CEP83: variants seen among roughly 807,000 people sequenced by gnomAD.
CEP83 encodes the protein centrosomal protein 83.
Under a neutral mutation model 101.9 loss-of-function variants are expected in CEP83, and 70 were observed. That is an observed-to-expected ratio of 0.69 (90% CI 0.57 to 0.84). The LOEUF (loss-of-function observed/expected upper bound fraction) is 0.84, where lower values mean the gene tolerates loss of function less well. Ranked by LOEUF, CEP83 falls within the 40% of genes least tolerant of loss-of-function variation. CEP83 has a pLI of 0.00. For missense variants in CEP83, 715 were observed against 787.2 expected (o/e 0.91, Z 1.10); for synonymous variants, 264 against 267.9 (o/e 0.99, Z 0.14).
At chr12:94,268,612 T>TTA in the CEP83 span, among the ~76,000 whole-genome samples, 117 of 130,742 alleles carry the variant, frequency 8.9e-4, no homozygotes, top group East Asian at 3.4e-3. Flanking sequence ...TTTTTTTTTT[T>TTA]AATTTAAGGA....
At chr12:94,344,910 A>C (rs1297834916) in intron 11 of CEP83, among the ~76,000 whole-genome samples, 1 of 152,194 alleles carries the variant, frequency 6.6e-6, no homozygotes, top group Non-Finnish European at 1.5e-5. Context: ...GCACTACCTG[A>C]ACCAAACTTA....
Position 94,400,879 on chromosome 12 carries a change from C to A in CEP83, c.520G>T (p.Asp174Tyr). Residue 174 changes from aspartate to tyrosine, a missense_variant, in exon 6 of 17, where the codon GAT (aspartate) becomes TAT (tyrosine). Transcript: ENST00000397809. ...HQKEEYARIL[D>Y]EGKIKYESEI... ...GATTCATATTTTATTTTTCCTTCAT[C>A]TAAAATACGTGCATACTCTTCCTTC... is the stretch of plus-strand genomic sequence containing the variant. 2.0e-6 allele frequency: 3 copies of A among 1,481,436 alleles called. No individual in the cohort carries two copies. The highest frequency in any genetic ancestry group is 2.2e-5 in the Admixed American group (1 of 45,660). The allele number at this position is 1,481,436 out of a possible 1,614,324, so 91.8% of individuals were successfully genotyped here.
intron 6 of CEP83, among the ~76,000 whole-genome samples, chr12:94,384,948 C>A (rs2062051466): frequency 6.6e-6 from 1 of 152,146 alleles, no homozygotes; most frequent in Non-Finnish European, 1.5e-5. Flanking sequence ...CGTGGTGTGA[C>A]AAGCAATTTT....
In CEP83 at chr12:94,331,749, T is replaced by C. The variant is rs1445746147; in HGVS notation, c.1658A>G (p.Tyr553Cys). ...HERITDREEK[Y>C]NQAKEKLQRA... The stretch of plus-strand genomic sequence containing the variant: ...CTGCAGTTTCTCCTTAGCTTGATTG[T>C]ACTTTTCTTCTCTGTCTGTGATACG... The change falls in exon 14 of 17, where the codon TAC (tyrosine) becomes TGC (cysteine). Residue 553 changes from tyrosine (Y) to cysteine (C), a missense_variant. Coordinates refer to ENST00000397809, the MANE Select transcript of CEP83 (RefSeq NM_016122.3). 1.9e-6 allele frequency: 3 copies of C among 1,614,094 alleles called. No homozygotes were observed. The highest frequency in any genetic ancestry group is 2.5e-6 in the Non-Finnish European group (3 of 1,179,948).
At chr12:94,404,494 C>A (rs1284874583) in intron 4 of CEP83, among the ~76,000 whole-genome samples, 3 of 152,070 alleles carry the variant, frequency 2.0e-5, no homozygotes, top group Admixed American at 6.6e-5. Flanking sequence ...TTAAGTACTA[C>A]AGAAAATTTA....
At chr12:94,414,413 T>C (rs1203014755) in intron 2 of CEP83, among the ~76,000 whole-genome samples, 1 of 152,144 alleles carries the variant, frequency 6.6e-6, no homozygotes, top group Non-Finnish European at 1.5e-5. Context: ...ATCCCAACCT[T>C]CAGCAACCAT....
chr12:94,356,116 C>T (rs1313363789), intron 11 of CEP83, among the ~76,000 whole-genome samples: 1 of 152,152 alleles, frequency 6.6e-6, no homozygotes, highest in Admixed American at 6.5e-5. Flanking sequence ...GTCGAAGGGT[C>T]GCCAGAGCGA....
At chr12:94,294,343 T>A in the CEP83 span, 1 of 536,956 alleles carries the variant, frequency 1.9e-6, no homozygotes, top group Admixed American at 3.1e-5. Flanking sequence ...TCCAGCACAG[T>A]GCCCAGAACA....
the CEP83 span, among the ~76,000 whole-genome samples, chr12:94,272,705 G>A: frequency 6.6e-6 from 1 of 152,212 alleles, no homozygotes; most frequent in Non-Finnish European, 1.5e-5. Flanking sequence ...ACTGAATCTG[G>A]AGCATACTGG....
At chr12:94,311,000 G>A (rs1324445290) in intron 15 of CEP83, among the ~76,000 whole-genome samples, 1 of 152,128 alleles carries the variant, frequency 6.6e-6, no homozygotes, top group African/African-American at 2.4e-5. Flanking sequence ...GAAAGACTGA[G>A]GCATGATTAG....
At chr12:94,274,155 T>TAAAAA in the CEP83 span, among the ~76,000 whole-genome samples, 108 of 45,366 alleles carry the variant, frequency 2.4e-3, 8 homozygotes, top group African/African-American at 7.4e-3. Context: ...ACCCTGTCTC[T>TAAAAA]AAAAAAAAAA....
intron 14 of CEP83, among the ~76,000 whole-genome samples, chr12:94,323,381 C>T (rs2058832258): frequency 1.3e-5 from 2 of 152,080 alleles, no homozygotes; most frequent in South Asian, 2.1e-4. Flanking sequence ...GATCTCCTGA[C>T]CTGTGGGTTG....
chr12:94,453,336 C>T (rs958669314), intron 1 of CEP83, among the ~76,000 whole-genome samples: 1 of 152,146 alleles, frequency 6.6e-6, no homozygotes, highest in African/African-American at 2.4e-5. Flanking sequence ...TAACTTCCTC[C>T]GGGCCAAGTT....
intron 1 of CEP83, among the ~76,000 whole-genome samples, chr12:94,439,560 A>C (rs1248285288): frequency 6.6e-6 from 1 of 151,934 alleles, no homozygotes; most frequent in African/African-American, 2.4e-5. Flanking sequence ...TGCCAACAAA[A>C]AAAAAAAAAG....
At chr12:94,458,233 T>A (rs966647344) in intron 1 of CEP83, among the ~76,000 whole-genome samples, 1 of 151,682 alleles carries the variant, frequency 6.6e-6, no homozygotes, top group East Asian at 1.9e-4. Flanking sequence ...CTGTGAATAA[T>A]CAGTGTTTCA....
intron 6 of CEP83, among the ~76,000 whole-genome samples, chr12:94,400,544 C>T (rs987051650): frequency 3.3e-5 from 5 of 152,108 alleles, no homozygotes; most frequent in African/African-American, 1.2e-4. Context: ...ACTATATTTG[C>T]AGAGAGAAGT....
chr12:94,325,987 T>G (rs2058958763), intron 14 of CEP83, among the ~76,000 whole-genome samples: 1 of 152,180 alleles, frequency 6.6e-6, no homozygotes, highest in South Asian at 2.1e-4. Context: ...CCTGAGTTGA[T>G]GTTAATGAGG....
intron 1 of CEP83, among the ~76,000 whole-genome samples, chr12:94,447,095 A>T (rs1449486958): frequency 1.3e-5 from 2 of 152,256 alleles, no homozygotes; most frequent in African/African-American, 4.8e-5. Context: ...GCCCTTCAAA[A>T]ATGAAGATGA....
intron 6 of CEP83, among the ~76,000 whole-genome samples, chr12:94,382,204 ACT>A (rs2061888603): frequency 6.6e-6 from 1 of 151,654 alleles, no homozygotes; most frequent in Non-Finnish European, 1.5e-5. Flanking sequence ...CATGAGTGAT[ACT>A]CTTTCATTCC....
Sources: gnomAD v4.1 joint callset for allele counts (sites outside exome capture counted in the v4.1 genomes callset) on GRCh38, gnomAD v4.1.1 for gene constraint, MANE v1.5 for transcripts, NCBI Gene and HGNC (gene_info 2026-07-23, HGNC 2026-07-21) for gene names.